ZEB1: variants seen among roughly 807,000 people sequenced by gnomAD.
ZEB1 encodes the protein zinc finger E-box binding homeobox 1, also known as zinc finger E-box-binding homeobox 1.
In ZEB1, 21 loss-of-function variants were observed where a neutral mutation model predicts 84.9. The ratio of observed to expected loss-of-function variants is 0.25; its 90% CI spans 0.18 to 0.36. The LOEUF (loss-of-function observed/expected upper bound fraction) is 0.36, where lower values mean the gene tolerates loss of function less well. Ranked by LOEUF, ZEB1 falls within the 10% of genes least tolerant of loss-of-function variation. The pLI is 1.00. For missense variants in ZEB1, 1,104 were observed against 1,330.2 expected (o/e 0.83, Z 2.65); for synonymous variants, 420 against 471.1 (o/e 0.89, Z 1.41).
chr10:31,342,155 T>G lies in ZEB1; in HGVS notation c.58+22863T>G, dbSNP rs544569170. Among the ~76,000 whole-genome samples the G allele has an allele frequency of 2.2e-4, 33 of 152,348 alleles. No homozygotes were observed. In the South Asian group the frequency reaches 6.8e-3, roughly 32 times the overall value. On this transcript the variant is annotated intron_variant, in intron 1 of 8. Coordinates refer to ENST00000424869, the MANE Select transcript of ZEB1 (RefSeq NM_001174096.2). ...TGGGTATGCTTTGTTGTCTGTGCTATTCTCAGTGCCTGACATACAGAATAG... is the reference window on the plus strand; with the variant it reads ...TGGGTATGCTTTGTTGTCTGTGCTAGTCTCAGTGCCTGACATACAGAATAG...
intron 1 of ZEB1, among the ~76,000 whole-genome samples, chr10:31,399,363 C>T (rs72639505): frequency 0.051 from 7,819 of 152,106 alleles, 584 homozygotes; most frequent in East Asian, 0.18. Flanking sequence ...AAACCTCCTC[C>T]GGCAGTTTTT....
chr10:31,520,432 G>C lies in ZEB1; in HGVS notation c.1100G>C (p.Cys367Ser), dbSNP rs754854286. 7 of 1,614,008 alleles carry C rather than the reference G, an allele frequency of 4.3e-6. No homozygotes were observed. Among genetic ancestry groups the C allele is most frequent in the Non-Finnish European group, 5.9e-6 (7 of 1,179,962 alleles). ...KPIVVASGIN[C>S]STPLQNGVFT... ...ATAGTGGTTGCTTCAGGAATCAACT[G>C]TTCAACCCCTTTACAAAATGGGGTT... The change falls in exon 7 of 9, where the codon TGT becomes TCT. Residue 367 changes from cysteine (C) to serine (S), a missense_variant. Cys to Ser is a moderately radical substitution (Grantham distance 112). This residue lies in a region of ZEB1 where 111 missense variants were observed against 161.8 expected (regional missense o/e 0.69). Coordinates refer to ENST00000424869, the MANE Select transcript of ZEB1 (RefSeq NM_001174096.2). This position sits in a 1 kb window ranked among gnomAD's most constrained non-coding sequence, Gnocchi z 5.1.
chr10:31,371,114 C>T (rs979326935), intron 1 of ZEB1, among the ~76,000 whole-genome samples: 12 of 152,020 alleles, frequency 7.9e-5, no homozygotes, highest in African/African-American at 2.9e-4. Context: ...GAACATGAAA[C>T]CAGCTTTCTT....
intron 8 of ZEB1, 143 bp from the exon 9 acceptor site, chr10:31,526,529 A>G: frequency 1.9e-6 from 2 of 1,036,642 alleles, no homozygotes; most frequent in Non-Finnish European, 2.8e-6. Context: ...ATATTATATT[A>G]CAAAGAGTTT....
At chr10:31,374,762 T>C (rs936862799) in intron 1 of ZEB1, 4 of 151,836 alleles carry the variant, frequency 2.6e-5, no homozygotes, top group African/African-American at 9.7e-5. Flanking sequence ...ATTCTAACCA[T>C]AGAGAAATAC....
chr10:31,526,201 G>A (rs537964071), intron 8 of ZEB1, among the ~76,000 whole-genome samples: 23 of 152,262 alleles, frequency 1.5e-4, no homozygotes, highest in South Asian at 6.2e-4. Flanking sequence ...GAGTTTTATC[G>A]TATATAAAAA....
intron 2 of ZEB1, among the ~76,000 whole-genome samples, chr10:31,475,023 G>C (rs919635494): frequency 9.4e-5 from 12 of 127,868 alleles, no homozygotes. Context: ...AGATCACATG[G>C]ACACAGGAAG....
At chr10:31,327,655 G>C (rs552522969) in intron 1 of ZEB1, among the ~76,000 whole-genome samples, 3 of 151,960 alleles carry the variant, frequency 2.0e-5, no homozygotes, top group Non-Finnish European at 2.9e-5. Context: ...CCATATCTAG[G>C]GACATGGTAT....
chr10:31,395,910 A>G (rs1177600218), intron 1 of ZEB1, among the ~76,000 whole-genome samples: 1 of 147,616 alleles, frequency 6.8e-6, no homozygotes, highest in Non-Finnish European at 1.5e-5. Flanking sequence ...TTGAACTAAA[A>G]TCAAGGCAGT....
intron 3 of ZEB1, 92 bp from the exon 4 acceptor site, chr10:31,502,256 T>C (rs758675731): frequency 7.8e-7 from 1 of 1,284,358 alleles, no homozygotes; most frequent in African/African-American, 1.5e-5. Flanking sequence ...AACAATCATA[T>C]GTTCTCTCAA....
intron 1 of ZEB1, among the ~76,000 whole-genome samples, chr10:31,423,853 G>C (rs997312243): frequency 6.6e-6 from 1 of 150,418 alleles, no homozygotes; most frequent in Non-Finnish European, 1.5e-5. Flanking sequence ...AATTTTAGGA[G>C]TATGCTACTC....
intron 2 of ZEB1, among the ~76,000 whole-genome samples, chr10:31,483,202 A>G (rs1238785890): frequency 6.6e-6 from 1 of 152,028 alleles, no homozygotes; most frequent in Non-Finnish European, 1.5e-5. Flanking sequence ...GGTAAGAAAA[A>G]TAATACTGAG....
intron 5 of ZEB1, among the ~76,000 whole-genome samples, chr10:31,513,971 T>G (rs1443631114): frequency 6.6e-6 from 1 of 152,184 alleles, no homozygotes; most frequent in Non-Finnish European, 1.5e-5. Flanking sequence ...AAGATTAATC[T>G]AAGTATGAAG....
intron 1 of ZEB1, among the ~76,000 whole-genome samples, chr10:31,341,545 A>T (rs1482862267): frequency 1.3e-5 from 2 of 152,186 alleles, no homozygotes; most frequent in Admixed American, 1.3e-4. Flanking sequence ...GAAGGCTAAC[A>T]AGGCAGTTAA....
At chr10:31,393,498 G>A (rs1182533673) in intron 1 of ZEB1, among the ~76,000 whole-genome samples, 1 of 151,888 alleles carries the variant, frequency 6.6e-6, no homozygotes, top group Admixed American at 6.6e-5. Flanking sequence ...AGGAATATTT[G>A]CAAATATTTG....
At chr10:31,475,034 G>T (rs1477985920) in intron 2 of ZEB1, among the ~76,000 whole-genome samples, 5 of 145,594 alleles carry the variant, frequency 3.4e-5, no homozygotes, top group Admixed American at 6.8e-5. Context: ...ACACAGGAAG[G>T]GGAACATCAC....
At chr10:31,345,459 A>T (rs546196506) in intron 1 of ZEB1, among the ~76,000 whole-genome samples, 8 of 152,278 alleles carry the variant, frequency 5.3e-5, no homozygotes, top group African/African-American at 1.7e-4. Flanking sequence ...TGGGGAATGT[A>T]GATGCTAAGT....
chr10:31,347,484 A>G (rs996973031), intron 1 of ZEB1, among the ~76,000 whole-genome samples: 1 of 152,172 alleles, frequency 6.6e-6, no homozygotes, highest in Non-Finnish European at 1.5e-5. Flanking sequence ...AGCTGGGACT[A>G]CAGGCATGAG....
At chr10:31,434,401 T>C (rs927778425) in intron 1 of ZEB1, among the ~76,000 whole-genome samples, 5 of 152,218 alleles carry the variant, frequency 3.3e-5, no homozygotes, top group Admixed American at 2.0e-4. Context: ...TATTTGGATT[T>C]CAGTTTTCTC....
Sources: allele counts gnomAD v4.1 joint callset (sites outside exome capture counted in the v4.1 genomes callset), GRCh38; gene constraint gnomAD v4.1.1; regional missense constraint gnomAD v4.1.1; non-coding constraint Gnocchi (gnomAD v3.1); transcripts MANE v1.5; gene names NCBI Gene and HGNC (gene_info 2026-07-23, HGNC 2026-07-21).